DACH1: variants seen among roughly 807,000 people sequenced by gnomAD.
The protein encoded by DACH1 is dachshund family transcription factor 1.
Under a neutral mutation model 54.2 loss-of-function variants are expected in DACH1, and 12 were observed. The observed-to-expected ratio is 0.22, with a 90% CI of 0.14 to 0.36. The LOEUF (loss-of-function observed/expected upper bound fraction) is 0.36, where lower values mean the gene tolerates loss of function less well. Ranked by LOEUF, DACH1 falls within the 10% of genes least tolerant of loss-of-function variation. The pLI, the probability that DACH1 is intolerant of heterozygous loss-of-function variation, is 1.00. For missense variants in DACH1, 805 were observed against 929.8 expected (o/e 0.87, Z 1.75); for synonymous variants, 386 against 366.2 (o/e 1.05, Z -0.62).
intron 2 of DACH1, among the ~76,000 whole-genome samples, chr13:71,665,010 A>G (rs1879739449): frequency 6.6e-6 from 1 of 152,000 alleles, no homozygotes; most frequent in Non-Finnish European, 1.5e-5. Context: ...CTAATGAGCA[A>G]TAGGGTAAAT....
intron 6 of DACH1, among the ~76,000 whole-genome samples, chr13:71,507,415 C>A (rs1335283740): frequency 6.6e-6 from 1 of 152,082 alleles, no homozygotes; most frequent in African/African-American, 2.4e-5. Flanking sequence ...TTATTTCCTT[C>A]ACTAACAAAA....
chr13:71,494,067 C>T (rs1262668410), intron 6 of DACH1, among the ~76,000 whole-genome samples: 2 of 152,104 alleles, frequency 1.3e-5, no homozygotes, highest in East Asian at 3.9e-4. Flanking sequence ...GCAAAAAGTG[C>T]ATCTTCCTAG....
chr13:71,470,995 C>A (rs1280306583), intron 10 of DACH1, among the ~76,000 whole-genome samples: 1 of 152,022 alleles, frequency 6.6e-6, no homozygotes, highest in South Asian at 2.1e-4. Context: ...GTTGCCACAG[C>A]GGGAGAGTGA....
Position 71,600,295 on chromosome 13 carries a change from T to C in DACH1, c.1127-27283A>G, listed in dbSNP as rs1874399204. 3.9e-5 allele frequency among the ~76,000 whole-genome samples: 6 copies of C among 152,264 alleles called. No individual in the cohort carries two copies. In the South Asian group the frequency reaches 1.2e-3, roughly 32 times the overall value. ...TACTGCAAAGCATAAACAAAAGTTA[T>C]ATTCATTCAGAAATAATGGCCACAT... On this transcript the variant is annotated intron_variant, in intron 3 of 10. Coordinates refer to ENST00000613252, the MANE Select transcript of DACH1 (RefSeq NM_080759.6).
intron 6 of DACH1, among the ~76,000 whole-genome samples, chr13:71,552,535 T>G (rs533597360): frequency 6.6e-6 from 1 of 151,486 alleles, no homozygotes; most frequent in Admixed American, 6.6e-5. Context: ...CCAAAACAAA[T>G]TATGCATGAG....
intron 3 of DACH1, among the ~76,000 whole-genome samples, chr13:71,577,633 T>C (rs1020816814): frequency 1.3e-5 from 2 of 152,078 alleles, no homozygotes; most frequent in African/African-American, 4.8e-5. Flanking sequence ...ACAGGAAAAA[T>C]TGTATTTAAT....
chr13:71,687,416 T>C (rs1317574103), intron 1 of DACH1, among the ~76,000 whole-genome samples: 1 of 151,934 alleles, frequency 6.6e-6, no homozygotes, highest in Non-Finnish European at 1.5e-5. Flanking sequence ...AACCTGCAGA[T>C]ATGGGCGTAT....
At chr13:71,783,573 T>C (rs756518015) in intron 1 of DACH1, among the ~76,000 whole-genome samples, 11 of 152,038 alleles carry the variant, frequency 7.2e-5, no homozygotes, top group Non-Finnish European at 2.9e-5. Context: ...GGAACCAGAA[T>C]ACAGAAACGA....
At chr13:71,712,277 CT>C (rs200769399) in intron 1 of DACH1, among the ~76,000 whole-genome samples, 1 of 151,310 alleles carries the variant, frequency 6.6e-6, no homozygotes, top group Non-Finnish European at 1.5e-5. Flanking sequence ...ATCTGAAAAC[CT>C]TTTTTTTGAA....
At chr13:71,629,724 T>C (rs1876944590) in intron 3 of DACH1, among the ~76,000 whole-genome samples, 2 of 152,192 alleles carry the variant, frequency 1.3e-5, no homozygotes, top group African/African-American at 4.8e-5. Context: ...ACATTGGCTA[T>C]AGTATCTTGC....
intron 1 of DACH1, among the ~76,000 whole-genome samples, chr13:71,747,114 A>G (rs914001450): frequency 1.3e-5 from 2 of 152,130 alleles, no homozygotes; most frequent in African/African-American, 4.8e-5. Flanking sequence ...TGTATGATAT[A>G]TAATATCTAT....
At chr13:71,742,467 A>G (rs548839026) in intron 1 of DACH1, among the ~76,000 whole-genome samples, 29 of 152,090 alleles carry the variant, frequency 1.9e-4, no homozygotes, top group Non-Finnish European at 2.9e-4. Context: ...TCTAACCACT[A>G]TCAAGCAAAA....
chr13:71,483,177 G>A lies in DACH1; in HGVS notation c.1723-3861C>T, dbSNP rs1410536942. 9.9e-5 allele frequency among the ~76,000 whole-genome samples: 15 copies of A among 151,754 alleles called. No homozygotes were observed. In the East Asian group the frequency reaches 2.7e-3, roughly 27 times the overall value. ...TCTTTAATGCTATGATTATTGTCCT[G>A]CAACGCCGATGTATGACAGGAACAA... On this transcript the variant is annotated intron_variant, in intron 7 of 10. Transcript: ENST00000613252.
At chr13:71,859,732 TA>T (rs1874232193) in intron 1 of DACH1, among the ~76,000 whole-genome samples, 1 of 151,916 alleles carries the variant, frequency 6.6e-6, no homozygotes, top group African/African-American at 2.4e-5. Flanking sequence ...TTATCCTTGG[TA>T]TTCTTGTTTT....
At chr13:71,717,504 T>TCACACACACA (rs3221998) in intron 1 of DACH1, among the ~76,000 whole-genome samples, 1,842 of 142,848 alleles carry the variant, frequency 0.013, 55 homozygotes, top group African/African-American at 0.044. Flanking sequence ...GTGTGTGTAA[T>TCACACACACA]CACACACACA....
chr13:71,717,199 C>CA (rs996932876), intron 1 of DACH1, among the ~76,000 whole-genome samples: 4 of 151,956 alleles, frequency 2.6e-5, no homozygotes, highest in Non-Finnish European at 5.9e-5. Context: ...TTGTGTGCTA[C>CA]AAAAAATTTT....
chr13:71,681,236 A>C (rs1048879798), intron 2 of DACH1, among the ~76,000 whole-genome samples: 3 of 152,186 alleles, frequency 2.0e-5, no homozygotes, highest in Non-Finnish European at 4.4e-5. Flanking sequence ...TATGGTATGG[A>C]GCTTATGAAG....
chr13:71,572,252 CATACACACACAG>C (rs1885260249), intron 4 of DACH1, among the ~76,000 whole-genome samples: 1 of 152,050 alleles, frequency 6.6e-6, no homozygotes, highest in African/African-American at 2.4e-5. Flanking sequence ...GATGCACAAA[CATACACACACAG>C]ATACACAGGG....
intron 7 of DACH1, among the ~76,000 whole-genome samples, chr13:71,481,907 G>A (rs142948703): frequency 1.2e-4 from 19 of 152,210 alleles, no homozygotes; most frequent in East Asian, 1.2e-3. Context: ...ACGTGCAAAC[G>A]GTCACGTTAA....
Sources: gnomAD v4.1 joint callset for allele counts (sites outside exome capture counted in the v4.1 genomes callset) on GRCh38, gnomAD v4.1.1 for gene constraint, MANE v1.5 for transcripts, NCBI Gene and HGNC (gene_info 2026-07-23, HGNC 2026-07-21) for gene names.